The following SH3YL1 variants were observed in gnomAD, a reference collection of about 807,000 sequenced individuals.
SH3YL1 encodes SH3 domain-containing YSC84-like protein 1.
A neutral mutation model predicts 45.8 loss-of-function variants in SH3YL1; 41 were observed. The ratio of observed to expected loss-of-function variants is 0.89; its 90% confidence interval spans 0.70 to 1.16. The LOEUF (loss-of-function observed/expected upper bound fraction) is 1.16. SH3YL1 is among the 50% of genes most tolerant of loss of function. The pLI is 0.00. For synonymous variants in SH3YL1, 152 were observed against 151.4 expected, an observed-to-expected ratio of 1.00 and a Z score of -0.03; for missense variants, 389 against 409.6, an observed-to-expected ratio of 0.95 and a Z score of 0.43.
intron 8 of SH3YL1, among the ~76,000 whole-genome samples, chr2:228,859 T>C (rs1276655370): frequency 6.6e-6 from 1 of 152,150 alleles, no homozygotes; most frequent in Non-Finnish European, 1.5e-5. Flanking sequence ...CTGGGGAAAA[T>C]GATTACAGAA....
intron 9 of SH3YL1, among the ~76,000 whole-genome samples, chr2:219,611 G>T (rs1667491476): frequency 6.6e-6 from 1 of 152,148 alleles, no homozygotes; most frequent in African/African-American, 2.4e-5. Flanking sequence ...CCAGACTATG[G>T]TGTTTTGTTA....
intron 4 of SH3YL1, among the ~76,000 whole-genome samples, chr2:245,036 C>T (rs1411035487): frequency 5.3e-5 from 8 of 152,162 alleles, no homozygotes; most frequent in African/African-American, 1.7e-4. Flanking sequence ...CCCATGCTCC[C>T]GTTCTGACTC....
intron 1 of SH3YL1, chr2:260,749 C>T (rs1018744928): frequency 6.6e-6 from 1 of 152,222 alleles, no homozygotes; most frequent in Non-Finnish European, 1.5e-5. Context: ...GCAACTGAAG[C>T]ACTGTAAATA....
At chr2:228,193 A>C (rs1667867724) in intron 8 of SH3YL1, among the ~76,000 whole-genome samples, 1 of 152,186 alleles carries the variant, frequency 6.6e-6, no homozygotes, top group African/African-American at 2.4e-5. Context: ...AAATGTGGCC[A>C]GGCTAACCTG....
intron 1 of SH3YL1, chr2:262,186 T>C (rs1456103202): frequency 1.9e-5 from 3 of 155,192 alleles, no homozygotes; most frequent in Non-Finnish European, 4.3e-5. Flanking sequence ...CTTTGTTTCT[T>C]AAGTCAATTC....
At chr2:245,775 T>C (rs1668770718) in intron 4 of SH3YL1, among the ~76,000 whole-genome samples, 1 of 152,138 alleles carries the variant, frequency 6.6e-6, no homozygotes, top group Non-Finnish European at 1.5e-5. Context: ...GATGGTCTTA[T>C]TTTGTCAAAA....
chr2:225,156 C>T lies in SH3YL1; in HGVS notation c.782-236G>A, dbSNP rs553611120. ...GACATCTGTATGACACAGAAGTACA[C>T]ACACTATTCTCATTATAAATTCAGA... On this transcript the variant is annotated intron_variant, in intron 8 of 9. Coordinates refer to ENST00000356150, the MANE Select transcript of SH3YL1 (RefSeq NM_015677.4). 3.0e-4 allele frequency among the ~76,000 whole-genome samples: 46 copies of T among 152,306 alleles called. No homozygotes were observed. The South Asian group carries it at 3.5e-3, about 12-fold the overall frequency.
intron 4 of SH3YL1, chr2:243,409 C>T: frequency 8.2e-7 from 1 of 1,224,844 alleles, no homozygotes; most frequent in Non-Finnish European, 1.1e-6. Context: ...GGACATTAAG[C>T]AACACACTCT....
At chr2:254,122 A>G (rs1333879429) in intron 1 of SH3YL1, among the ~76,000 whole-genome samples, 3 of 152,086 alleles carry the variant, frequency 2.0e-5, no homozygotes, top group Non-Finnish European at 4.4e-5. Context: ...ATATAGTATA[A>G]ATTTAATATA....
rs1440690400 is a variant in SH3YL1 at position 263,987 on chromosome 2, T to C, written c.-3A>G. 5 of 1,466,736 alleles carry C rather than the reference T, an allele frequency of 3.4e-6. No individual in the cohort carries two copies. The highest frequency in any genetic ancestry group is 4.5e-6 in the Non-Finnish European group (5 of 1,104,152). The allele number at this position is 1,466,736 out of a possible 1,614,324, so 90.9% of individuals were successfully genotyped here. ...AGGTGGGTCCCCGGGTACTCACTGCTGCCCGCCCGGCCGCGGCGCCCCGTC... is the reference window on the plus strand; with the variant it reads ...AGGTGGGTCCCCGGGTACTCACTGCCGCCCGCCCGGCCGCGGCGCCCCGTC... On this transcript the variant is annotated 5_prime_UTR_variant, in exon 1 of 10. Coordinates refer to ENST00000356150, the MANE Select transcript of SH3YL1 (RefSeq NM_015677.4).
intron 9 of SH3YL1, among the ~76,000 whole-genome samples, chr2:221,500 C>A (rs1328211980): frequency 1.3e-5 from 2 of 152,176 alleles, no homozygotes; most frequent in African/African-American, 4.8e-5. Flanking sequence ...AGGTGTTGGT[C>A]TAATTTTCTC....
intron 1 of SH3YL1, among the ~76,000 whole-genome samples, chr2:257,732 C>T (rs1669406723): frequency 6.6e-6 from 1 of 152,206 alleles, no homozygotes; most frequent in Admixed American, 6.5e-5. Context: ...GCCCGACTTG[C>T]ATATCATTCA....
At chr2:254,801 T>C (rs1026176311) in intron 1 of SH3YL1, among the ~76,000 whole-genome samples, 1 of 152,230 alleles carries the variant, frequency 6.6e-6, no homozygotes, top group Admixed American at 6.5e-5. Flanking sequence ...TCTGCTCACG[T>C]GAGACAAATG....
At chr2:238,967 G>T (rs964328814) in intron 4 of SH3YL1, among the ~76,000 whole-genome samples, 1 of 152,082 alleles carries the variant, frequency 6.6e-6, no homozygotes, top group African/African-American at 2.4e-5. Context: ...TGAGATTGTC[G>T]AACATAAATT....
chr2:224,920 C>A lies in SH3YL1; in HGVS notation c.782G>T (p.Ser261Ile), dbSNP rs532917909. 1.2e-6 allele frequency: 2 copies of A among 1,609,178 alleles called. No individual in the cohort carries two copies. Among genetic ancestry groups the A allele is most frequent in the African/African-American group, 1.3e-5 (1 of 74,864 alleles). ...ATAGAGCTTATATTCATTTCTGTTA[C>A]CTGCCAAAAAAGAGGAGAGTGGTGA... ...APVQLNSGSQSNRNEYKLYPG... is the reference protein window; with the variant it reads ...APVQLNSGSQINRNEYKLYPG... Residue 261 changes from serine to isoleucine, a missense_variant and splice_region_variant, in exon 9 of 10, where the codon AGT becomes ATT. By Grantham distance (142) the Ser-to-Ile change is moderately radical. Transcript: ENST00000356150.
intron 7 of SH3YL1, 98 bp from the exon 8 acceptor site, chr2:230,142 T>G: frequency 1.2e-6 from 1 of 819,130 alleles, no homozygotes; most frequent in South Asian, 1.8e-5. Flanking sequence ...AGCAAACTTT[T>G]ATCATGTGTG....
chr2:247,641 A>G, intron 3 of SH3YL1, 39 bp from the exon 4 acceptor site: 1 of 1,467,012 alleles, frequency 6.8e-7, no homozygotes, highest in Non-Finnish European at 9.3e-7. Flanking sequence ...TAACATTAAA[A>G]CACCCTCGAC....
intron 7 of SH3YL1, chr2:230,322 C>T (rs1011223850): frequency 1.0e-4 from 26 of 256,352 alleles, no homozygotes; most frequent in Non-Finnish European, 1.6e-4. Flanking sequence ...GCTGCAGGGA[C>T]GGTGGTGTAG....
At chr2:221,622 C>A (rs184756840) in intron 9 of SH3YL1, among the ~76,000 whole-genome samples, 5 of 152,120 alleles carry the variant, frequency 3.3e-5, no homozygotes, top group African/African-American at 1.2e-4. Flanking sequence ...CACTGAAGGT[C>A]TGAGGGGGCC....
Sources: gnomAD v4.1 joint callset for allele counts (sites outside exome capture counted in the v4.1 genomes callset) on GRCh38, gnomAD v4.1.1 for gene constraint, MANE v1.5 for transcripts, NCBI Gene and HGNC (gene_info 2026-07-23, HGNC 2026-07-21) for gene names.